MTTP: variants seen among roughly 807,000 people sequenced by gnomAD.
MTTP encodes microsomal triglyceride transfer protein large subunit.
A neutral mutation model predicts 90.6 loss-of-function variants in MTTP; 49 were observed. That is an observed-to-expected ratio of 0.54 (90% CI 0.43 to 0.69). The LOEUF is 0.69. Among genes scored for constraint, MTTP ranks in the 30% least tolerant of loss-of-function variants. The pLI is 0.00. For missense variants in MTTP, 945 were observed against 1,067.5 expected (o/e 0.89, Z 1.60); for synonymous variants, 347 against 384.2 (o/e 0.90, Z 1.13).
chr4:99,582,327 G>T (rs963533074), intron 2 of MTTP, among the ~76,000 whole-genome samples: 1 of 152,154 alleles, frequency 6.6e-6, no homozygotes, highest in African/African-American at 2.4e-5. Context: ...ACCAGAGTAT[G>T]GTGTTCAATT....
intron 12 of MTTP, among the ~76,000 whole-genome samples, chr4:99,610,654 T>C (rs1725927456): frequency 2.6e-5 from 4 of 152,228 alleles, no homozygotes; most frequent in Admixed American, 6.5e-5. Flanking sequence ...TGGGTTTTAC[T>C]GAGCTGTTTC....
chr4:99,578,010 G>GT (rs1725010274), intron 1 of MTTP, among the ~76,000 whole-genome samples: 2 of 151,406 alleles, frequency 1.3e-5, no homozygotes, highest in South Asian at 2.1e-4. Context: ...TGACCCTTTA[G>GT]TTTTCTGTTG....
At chr4:99,569,572 A>G (rs1724788901) in intron 1 of MTTP, among the ~76,000 whole-genome samples, 1 of 152,034 alleles carries the variant, frequency 6.6e-6, no homozygotes, top group African/African-American at 2.4e-5. Flanking sequence ...ACTGTTATAA[A>G]CAATAAACCT....
At position 99,591,862 on chromosome 4, in the gene MTTP, A is replaced by G. The variant is rs533752760; in HGVS notation, c.758+72A>G. 2.0e-4 allele frequency: 271 copies of G among 1,368,932 alleles called. 4 individuals are homozygous for G. The South Asian group carries it at 3.2e-3, about 16-fold the overall frequency. 84.8% of individuals were successfully genotyped at this position (1,368,932 alleles called of 1,614,324 possible). On this transcript the variant is annotated intron_variant, in intron 6 of 17. Coordinates refer to ENST00000265517, the MANE Select transcript of MTTP (RefSeq NM_001386140.1). ...ATTATTATACTTGATTTGTAAATAG[A>G]TCTGTGTTTGTGTGTGTGTGTGTGT...
intron 10 of MTTP, among the ~76,000 whole-genome samples, chr4:99,605,807 G>C (rs1373307011): frequency 3.3e-5 from 5 of 151,170 alleles, no homozygotes. Flanking sequence ...CCTTCTATTG[G>C]GAGCCTTTTG....
chr4:99,600,585 T>C lies in MTTP; in HGVS notation c.1088T>C (p.Val363Ala), dbSNP rs1217629807. 6 of 1,613,756 alleles carry C rather than the reference T, an allele frequency of 3.7e-6. No individual in the cohort carries two copies. The Admixed American group carries it at 1.0e-4, about 27-fold the overall frequency. Reference sequence around the variant, plus strand: ...TATAGACCTCAGCTGGTGGATGCTGTCACCTCTGCTCAGACCTCAGACTCA... The same window carrying C: ...TATAGACCTCAGCTGGTGGATGCTGCCACCTCTGCTCAGACCTCAGACTCA... The part of the protein sequence containing the change: ...KEVLPQLVDA[V>A]TSAQTSDSLE... Residue 363 changes from valine to alanine, a missense_variant, in exon 9 of 18, where the codon GTC becomes GCC. Val to Ala is a moderately conservative substitution (Grantham distance 64). Coordinates refer to ENST00000265517, the MANE Select transcript of MTTP (RefSeq NM_001386140.1).
chr4:99,591,886 G>GTGTGTGTT, intron 6 of MTTP, 96 bp downstream of exon 6: 1 of 1,157,250 alleles, frequency 8.6e-7, no homozygotes, highest in Admixed American at 2.0e-5. Flanking sequence ...GTGTGTGTGT[G>GTGTGTGTT]TGCGCGTGTA....
In MTTP at chr4:99,591,734, A is replaced by C. The variant is rs771994154; in HGVS notation, c.702A>C (p.Glu234Asp). The change falls in exon 6 of 18, where the codon GAA becomes GAC. Residue 234 changes from glutamate to aspartate, a missense_variant. Glu to Asp is a conservative substitution (Grantham distance 45). Coordinates refer to ENST00000265517, the MANE Select transcript of MTTP (RefSeq NM_001386140.1). The stretch of plus-strand genomic sequence containing the variant: ...TTGTTATAGCTGTGCTTGCTGAAGA[A>C]ACACACAATTTTGGACTGAATTTCC... ...DSFVIAVLAE[E>D]THNFGLNFLQ... is the part of the protein sequence containing the mutation. 2.4e-5 allele frequency: 38 copies of C among 1,613,338 alleles called. No individual in the cohort carries two copies. Among genetic ancestry groups the C allele is most frequent in the Non-Finnish European group, 3.1e-5 (37 of 1,179,560 alleles).
At chr4:99,604,738 G>T (rs971041044) in intron 10 of MTTP, among the ~76,000 whole-genome samples, 14 of 151,924 alleles carry the variant, frequency 9.2e-5, no homozygotes, top group African/African-American at 2.4e-4. Context: ...AACACTACAG[G>T]GTTATTTTTT....
At chr4:99,593,387 G>GT (rs1725476506) in intron 6 of MTTP, among the ~76,000 whole-genome samples, 1 of 150,554 alleles carries the variant, frequency 6.6e-6, no homozygotes, top group Non-Finnish European at 1.5e-5. Context: ...ATTTTTAAGA[G>GT]TTTTTAAAAA....
chr4:99,615,655 C>T (rs761885796), intron 15 of MTTP, among the ~76,000 whole-genome samples: 11 of 152,186 alleles, frequency 7.2e-5, no homozygotes, highest in Non-Finnish European at 1.3e-4. Context: ...AGTGGGTAGC[C>T]CATCACAGCC....
intron 17 of MTTP, among the ~76,000 whole-genome samples, chr4:99,622,315 G>T (rs1052828312): frequency 6.6e-6 from 1 of 152,180 alleles, no homozygotes; most frequent in Non-Finnish European, 1.5e-5. Flanking sequence ...CTTAAATCCA[G>T]CTGGGCTTGC....
intron 10 of MTTP, among the ~76,000 whole-genome samples, chr4:99,605,244 A>G (rs1725786154): frequency 6.6e-6 from 1 of 152,086 alleles, no homozygotes; most frequent in Admixed American, 6.6e-5. Flanking sequence ...ATCACTCATT[A>G]AAAAAAATTT....
rs1314593043 is a variant in MTTP at position 99,574,832 on chromosome 4, A to G, written c.-78A>G. ...AGGTTCTGAAGAGGGTCACTCCCTC[A>G]CTGGCTGCCATTGAAAGAGTCCACT... On this transcript the variant is annotated 5_prime_UTR_variant, in exon 1 of 18. Transcript: ENST00000265517. The G allele has an allele frequency of 6.2e-7, 1 of 1,613,686 alleles. No individual in the cohort carries two copies. The highest frequency in any genetic ancestry group is 8.5e-7 in the Non-Finnish European group (1 of 1,179,814).
intron 1 of MTTP, among the ~76,000 whole-genome samples, chr4:99,567,555 A>G (rs1044382906): frequency 2.0e-5 from 3 of 152,214 alleles, no homozygotes; most frequent in Non-Finnish European, 4.4e-5. Context: ...CTCTAAGCTC[A>G]GCTAAGTGTG....
chr4:99,565,414 AAAGT>A (rs1185356613), intron 1 of MTTP, among the ~76,000 whole-genome samples: 1 of 152,218 alleles, frequency 6.6e-6, no homozygotes, highest in African/African-American at 2.4e-5. Context: ...TTATTAATCC[AAAGT>A]AAGCACCAAA....
intron 11 of MTTP, among the ~76,000 whole-genome samples, chr4:99,607,734 G>A (rs757653449): frequency 1.3e-5 from 2 of 152,140 alleles, no homozygotes; most frequent in African/African-American, 2.4e-5. Flanking sequence ...ATTTTGGCAC[G>A]TTTTCTTCGA....
chr4:99,572,732 G>T (rs899663417), upstream of MTTP, among the ~76,000 whole-genome samples: 2 of 152,008 alleles, frequency 1.3e-5, no homozygotes, highest in Non-Finnish European at 2.9e-5. Context: ...CACAGTGTTT[G>T]CTGTGGACGA....
chr4:99,576,322 G>T (rs1724956050), intron 1 of MTTP, among the ~76,000 whole-genome samples: 1 of 152,086 alleles, frequency 6.6e-6, no homozygotes. Flanking sequence ...ATTGAGACAT[G>T]GTACTTATCA....
Sources: allele counts gnomAD v4.1 joint callset (sites outside exome capture counted in the v4.1 genomes callset), GRCh38; gene constraint gnomAD v4.1.1; transcripts MANE v1.5; gene names NCBI Gene and HGNC (gene_info 2026-07-23, HGNC 2026-07-21).